FOSL1: variants seen among roughly 807,000 people sequenced by gnomAD.
The protein encoded by FOSL1 is FOS like 1, AP-1 transcription factor subunit, also known as fos-related antigen 1.
Under a neutral mutation model 24.9 loss-of-function variants are expected in FOSL1, and 14 were observed. The observed-to-expected ratio is 0.56, with a 90% CI of 0.37 to 0.88. The LOEUF (loss-of-function observed/expected upper bound fraction) is 0.88. FOSL1 is among the 40% of genes least tolerant of loss of function. FOSL1 has a pLI of 0.00. For synonymous variants in FOSL1, 133 were observed against 145.1 expected (o/e 0.92, Z 0.60); for missense variants, 318 against 359.8 (o/e 0.88, Z 0.94).
Position 65,894,139 on chromosome 11 carries a change from A to T in FOSL1, c.298-18T>A. On this transcript the variant is annotated intron_variant, in intron 2 of 3. Transcript: ENST00000312562. Reference sequence around the variant, plus strand: ...GGGCTGATCTGGGGGTGAGACCCGCAGTGAGGAGGACCCTGGGCTACTGGC... The same window carrying T: ...GGGCTGATCTGGGGGTGAGACCCGCTGTGAGGAGGACCCTGGGCTACTGGC... The T allele has an allele frequency of 6.4e-7, 1 of 1,571,560 alleles. No homozygotes were observed. The highest frequency in any genetic ancestry group is 8.6e-7 in the Non-Finnish European group (1 of 1,156,466).
Position 65,900,326 on chromosome 11 carries a change from A to G in FOSL1, c.14T>C (p.Phe5Ser). ...CCCGGAGCTCGGGCCGGGTTCCCCGAAGTCTCGGAACATGCCCGGGGCTGG... is the reference window on the plus strand; with the variant it reads ...CCCGGAGCTCGGGCCGGGTTCCCCGGAGTCTCGGAACATGCCCGGGGCTGG... MFRD[F>S]GEPGPSSGNG... is the part of the protein sequence containing the mutation. Residue 5 changes from phenylalanine to serine, a missense_variant, in exon 1 of 4, where the codon TTC becomes TCC. By Grantham distance (155) the Phe-to-Ser change is radical (BLOSUM62 -2). Coordinates refer to ENST00000312562, the MANE Select transcript of FOSL1 (RefSeq NM_005438.5). 4 of 1,240,848 alleles carry G rather than the reference A, an allele frequency of 3.2e-6. No homozygotes were observed. The highest frequency in any genetic ancestry group is 4.0e-6 in the Non-Finnish European group (4 of 992,126). The allele number at this position is 1,240,848 out of a possible 1,614,324, so 76.9% of individuals were successfully genotyped here.
In FOSL1 at chr11:65,900,283, G is replaced by A. The variant is rs530962033; in HGVS notation, c.57C>T (p.Gly19=). ...CTGCGGCCGGGGGCTGCGCGGGGCC[G>A]CCGTACCCGCCGCCGTTCCCGGAGC... ...GPSSGNGGGY[G]GPAQPPAAAQ... Residue 19 remains glycine (G), a synonymous_variant, in exon 1 of 4, where the codon GGC becomes GGT. Coordinates refer to ENST00000312562, the MANE Select transcript of FOSL1 (RefSeq NM_005438.5). The A allele has an allele frequency of 3.2e-6, 4 of 1,244,592 alleles. No individual in the cohort carries two copies. The highest frequency in any genetic ancestry group is 3.4e-5 in the South Asian group (1 of 29,354). The allele number at this position is 1,244,592 out of a possible 1,614,324, so 77.1% of individuals were successfully genotyped here. A position where few individuals can be genotyped will look rare whatever the true frequency, so the allele number is the denominator to read the frequency against.
At chr11:65,895,294 T>G (rs909873732) in intron 2 of FOSL1, among the ~76,000 whole-genome samples, 1 of 151,950 alleles carries the variant, frequency 6.6e-6, no homozygotes, top group Non-Finnish European at 1.5e-5. Context: ...CAGCTAATTT[T>G]TTGTATTTTT....
intron 3 of FOSL1, 76 bp from the exon 4 acceptor site, chr11:65,893,372 T>G: frequency 8.0e-7 from 1 of 1,251,634 alleles, no homozygotes; most frequent in Non-Finnish European, 1.1e-6. Context: ...GACTCAGGGT[T>G]CTGAGGAGCT....
chr11:65,893,367 A>G lies in FOSL1; in HGVS notation c.406-71T>C, dbSNP rs993269801. 8.8e-6 allele frequency: 6 copies of G among 679,870 alleles called. No homozygotes were observed. In the African/African-American group the frequency reaches 9.5e-5, roughly 11 times the overall value. 42.1% of individuals were successfully genotyped at this position (679,870 alleles called of 1,614,324 possible). A position where few individuals can be genotyped will look rare whatever the true frequency, so the allele number is the denominator to read the frequency against. On this transcript the variant is annotated intron_variant, in intron 3 of 3. Transcript: ENST00000312562. Reference sequence around the variant, plus strand: ...CCCAGAGCCGCAGACGTTTGGACTCAGGGTTCTGAGGAGCTGGGGTTGGGC... The same window carrying G: ...CCCAGAGCCGCAGACGTTTGGACTCGGGGTTCTGAGGAGCTGGGGTTGGGC...
At chr11:65,893,784 C>T (rs1040505384) in intron 3 of FOSL1, among the ~76,000 whole-genome samples, 11 of 151,826 alleles carry the variant, frequency 7.2e-5, no homozygotes, top group African/African-American at 2.7e-4. Flanking sequence ...GGTGACAGAG[C>T]GAGACTCTGT....
chr11:65,900,425 A>G, upstream of FOSL1: 2 of 788,496 alleles, frequency 2.5e-6, no homozygotes, highest in Non-Finnish European at 3.4e-6. Context: ...TTTATGAATG[A>G]AAAGTTCTCG....
chr11:65,896,839 A>G lies in FOSL1; in HGVS notation c.267T>C (p.Pro89=), dbSNP rs745369622. ...CACAAGGCCTTCGACGTACCCCTGGAGGCGGCCCCAGGGCCCGGATGACTC... is the reference window on the plus strand; with the variant it reads ...CACAAGGCCTTCGACGTACCCCTGGGGGCGGCCCCAGGGCCCGGATGACTC... ...RPGVIRALGP[P]PGVRRRPCEQ... The change falls in exon 2 of 4, where the codon CCT becomes CCC. Residue 89 remains proline (P), a synonymous_variant. Coordinates refer to ENST00000312562, the MANE Select transcript of FOSL1 (RefSeq NM_005438.5). The G allele has an allele frequency of 1.2e-6, 2 of 1,611,738 alleles. No homozygotes were observed. The highest frequency in any genetic ancestry group is 1.7e-6 in the Non-Finnish European group (2 of 1,178,538).
At chr11:65,899,787 T>C (rs1044700922) in intron 1 of FOSL1, among the ~76,000 whole-genome samples, 2 of 152,206 alleles carry the variant, frequency 1.3e-5, no homozygotes, top group South Asian at 2.1e-4. Context: ...ACTCCCACCC[T>C]GGCCCAGCTG....
chr11:65,896,713 C>G, intron 2 of FOSL1, 96 bp downstream of exon 2: 1 of 1,050,502 alleles, frequency 9.5e-7, no homozygotes, highest in Non-Finnish European at 1.4e-6. Context: ...TACCTTACCC[C>G]CTCCTAAGCC....
In FOSL1 at chr11:65,892,928, T is replaced by C. The variant is rs1311637106; in HGVS notation, c.774A>G (p.Pro258=). The C allele has an allele frequency of 2.5e-6, 4 of 1,612,178 alleles. No homozygotes were observed. The South Asian group carries it at 4.4e-5, about 18-fold the overall frequency. Residue 258 remains proline (P), a synonymous_variant, in exon 4 of 4, where the codon CCA becomes CCG. Transcript: ENST00000312562. The part of the protein sequence containing the change: ...HRKSSSSSGD[P]SSDPLGSPTL... Reference sequence around the variant, plus strand: ...TTGGAGAGCCAAGGGGGTCAGAGGATGGGTCTCCGCTGCTGCTGCTACTCT... The same window carrying C: ...TTGGAGAGCCAAGGGGGTCAGAGGACGGGTCTCCGCTGCTGCTGCTACTCT...
intron 1 of FOSL1, among the ~76,000 whole-genome samples, chr11:65,899,049 T>C (rs1860604271): frequency 6.6e-6 from 1 of 151,972 alleles, no homozygotes; most frequent in Non-Finnish European, 1.5e-5. Flanking sequence ...CGATGAGGTC[T>C]TCGATTCCGT....
chr11:65,892,676 A>G lies in FOSL1; in HGVS notation c.*210T>C, dbSNP rs1860415277. On this transcript the variant is annotated 3_prime_UTR_variant, in exon 4 of 4. Transcript: ENST00000312562. Reference sequence around the variant, plus strand: ...TCTCTGATTTAGTGCAAATTGTGCTAGAGAGGCCAGCTCAAGAGAAACAGT... The same window carrying G: ...TCTCTGATTTAGTGCAAATTGTGCTGGAGAGGCCAGCTCAAGAGAAACAGT... 2.9e-6 allele frequency: 2 copies of G among 700,738 alleles called. No individual in the cohort carries two copies. Among genetic ancestry groups the G allele is most frequent in the Admixed American group, 2.0e-5 (1 of 49,848 alleles). The allele number at this position is 700,738 out of a possible 1,614,324, so 43.4% of individuals were successfully genotyped here.
chr11:65,898,038 C>CTTCTCCGTT (rs1860572457), intron 1 of FOSL1, among the ~76,000 whole-genome samples: 1 of 16,736 alleles, frequency 6.0e-5, no homozygotes, highest in African/African-American at 1.3e-4. Context: ...TTTTTTTTTT[C>CTTCTCCGTT]TTTTCTGTTT....
chr11:65,898,807 A>T (rs539368572), intron 1 of FOSL1, among the ~76,000 whole-genome samples: 1 of 152,158 alleles, frequency 6.6e-6, no homozygotes, highest in Admixed American at 6.5e-5. Context: ...AAAAAATTAA[A>T]AAATTAGTTG....
At chr11:65,899,392 A>AGCCGCCGTGACTCG (rs1042654198) in intron 1 of FOSL1, among the ~76,000 whole-genome samples, 2 of 152,184 alleles carry the variant, frequency 1.3e-5, no homozygotes, top group Non-Finnish European at 2.9e-5. Context: ...CGGGTGACTC[A>AGCCGCCGTGACTCG]GCCGCCGTGA....
chr11:65,893,312 A>T lies in FOSL1; in HGVS notation c.406-16T>A, dbSNP rs1318082143. The stretch of plus-strand genomic sequence containing the variant: ...TGTCAGTCTCCTGTAGAAGATCAGG[A>T]GAGGAGTCAGAAAGGTGAGGGCTGA... On this transcript the variant is annotated splice_polypyrimidine_tract_variant and intron_variant, in intron 3 of 3. Transcript: ENST00000312562. The T allele has an allele frequency of 2.6e-6, 4 of 1,550,962 alleles. No individual in the cohort carries two copies. Among genetic ancestry groups the T allele is most frequent in the Non-Finnish European group, 3.5e-6 (4 of 1,143,086 alleles).
intron 1 of FOSL1, among the ~76,000 whole-genome samples, chr11:65,897,992 C>G (rs1220605087): frequency 6.7e-6 from 1 of 148,874 alleles, no homozygotes; most frequent in African/African-American, 2.5e-5. Context: ...TCCCAAGTAG[C>G]TGGGACTACC....
chr11:65,894,096 C>A lies in FOSL1; in HGVS notation c.323G>T (p.Arg108Leu), dbSNP rs570756562. 1.9e-6 allele frequency: 3 copies of A among 1,608,538 alleles called. No individual in the cohort carries two copies. The highest frequency in any genetic ancestry group is 2.5e-6 in the Non-Finnish European group (3 of 1,179,400). ...CTTGTTCCGCTCGCGCCTTACTCGG[C>A]GGCGCTCCTCTTCCTCCGGGCTGAT... ...EQISPEEEER[R>L]RVRRERNKLA... The change falls in exon 3 of 4, where the codon CGC becomes CTC. Residue 108 changes from arginine (R) to leucine (L), a missense_variant. Arg to Leu is a moderately radical substitution (Grantham distance 102). Coordinates refer to ENST00000312562, the MANE Select transcript of FOSL1 (RefSeq NM_005438.5).
Sources: allele counts gnomAD v4.1 joint callset (sites outside exome capture counted in the v4.1 genomes callset), GRCh38; gene constraint gnomAD v4.1.1; transcripts MANE v1.5; gene names NCBI Gene and HGNC (gene_info 2026-07-23, HGNC 2026-07-21).